Variants in MYH11 observed in about 807,000 individuals in gnomAD.
MYH11 encodes myosin heavy chain 11.
MYH11 carries 80 observed loss-of-function variants against 246.6 expected under a neutral mutation model. The ratio of observed to expected loss-of-function variants is 0.32; its 90% CI spans 0.27 to 0.39. MYH11 has a LOEUF of 0.39. Ranked by LOEUF, MYH11 falls within the 10% of genes least tolerant of loss-of-function variation. MYH11 has a pLI of 1.00. For synonymous variants in MYH11, 1,071 were observed against 1,015.5 expected, an observed-to-expected ratio of 1.05 and a Z score of -1.04; for missense variants, 2,158 against 2,546.8, an observed-to-expected ratio of 0.85 and a Z score of 3.29.
chr16:15,724,586 G>C, intron 30 of MYH11, 61 bp downstream of exon 30: 2 of 1,611,232 alleles, frequency 1.2e-6, no homozygotes, highest in South Asian at 2.2e-5. Context: ...TGCCTGCGGG[G>C]GATCTCAGCG....
intron 2 of MYH11, among the ~76,000 whole-genome samples, chr16:15,826,072 G>C (rs1193690511): frequency 6.6e-6 from 1 of 152,116 alleles, no homozygotes; most frequent in Non-Finnish European, 1.5e-5. Flanking sequence ...CCCGCCCCCA[G>C]GTATGAGCAT....
intron 8 of MYH11, among the ~76,000 whole-genome samples, chr16:15,773,373 C>T (rs2042150758): frequency 6.7e-6 from 1 of 149,522 alleles, no homozygotes; most frequent in Non-Finnish European, 1.5e-5. Flanking sequence ...TCACTGCAAC[C>T]TCTGCCTCCC....
chr16:15,833,389 A>AAGGGAGGGAGGGAGGAAGGAAGGAAGGG (rs1555458575), intron 2 of MYH11, among the ~76,000 whole-genome samples: 1 of 113,358 alleles, frequency 8.8e-6, no homozygotes, highest in Non-Finnish European at 2.0e-5. Flanking sequence ...GGGAGGGAGG[A>AAGGGAGGGAGGGAGGAAGGAAGGAAGGG]AGGAAGGAAG....
chr16:15,731,917 T>G (rs1420109632), intron 27 of MYH11, among the ~76,000 whole-genome samples: 2 of 151,742 alleles, frequency 1.3e-5, no homozygotes, highest in African/African-American at 4.8e-5. Flanking sequence ...GCCTCCCAAA[T>G]AGCTGGGACC....
intron 20 of MYH11, 80 bp from the exon 21 acceptor site, chr16:15,741,971 G>C: frequency 1.3e-6 from 2 of 1,576,190 alleles, no homozygotes; most frequent in Middle Eastern, 1.7e-4. Flanking sequence ...CAGTGGTTCC[G>C]AGCCAGGGAC....
rs1201529499 is a variant in MYH11, at chr16:15,718,394, G to T, written c.5216C>A (p.Ala1739Asp). The T allele has an allele frequency of 6.3e-7, 1 of 1,599,560 alleles. No individual in the cohort carries two copies. ...CTCCTCCAGCTCCTCCTCCAGCTGG[G>T]CGATCCGGGCCTCCAGGCGGCGCTT... is the stretch of plus-strand genomic sequence containing the variant. ...DEKRRLEARI[A>D]QLEEELEEEQ... The change falls in exon 37 of 41, where the codon GCC (alanine) becomes GAC (aspartate). Residue 1739 changes from alanine (A) to aspartate (D), a missense_variant. This residue lies in a region of MYH11 where 1,013 missense variants were observed against 993.5 expected (regional missense o/e 1.02). Coordinates refer to ENST00000300036, the MANE Select transcript of MYH11 (RefSeq NM_002474.3).
chr16:15,833,482 C>G (rs2043809023), intron 2 of MYH11, among the ~76,000 whole-genome samples: 1 of 152,022 alleles, frequency 6.6e-6, no homozygotes, highest in East Asian at 1.9e-4. Context: ...ACCAAGGGAC[C>G]CTTAGGACCA....
chr16:15,853,306 T>C lies in MYH11; in HGVS notation c.-18+3635A>G, dbSNP rs201098187. 6.6e-5 allele frequency among the ~76,000 whole-genome samples: 10 copies of C among 152,252 alleles called. No homozygotes were observed. In the East Asian group the frequency reaches 1.9e-3, roughly 29 times the overall value. On this transcript the variant is annotated intron_variant, in intron 1 of 40. Transcript: ENST00000300036. ...CTAGGACTACAGATGCATGCCACCA[T>C]GCCCAGCTCATTTTAAAAATTTTTT... is the stretch of plus-strand genomic sequence containing the variant.
In MYH11 at chr16:15,740,412, A is replaced by G. The variant is rs140780921; in HGVS notation, c.2860-224T>C. Reference sequence around the variant, plus strand: ...CACTTGAGGTCAGGAATTCAAGACCAGCCTGGCCAACATGGTGAAACCCCG... The same window carrying G: ...CACTTGAGGTCAGGAATTCAAGACCGGCCTGGCCAACATGGTGAAACCCCG... On this transcript the variant is annotated intron_variant, in intron 22 of 40. Transcript: ENST00000300036. 0.013 allele frequency among the ~76,000 whole-genome samples: 1,958 copies of G among 152,088 alleles called. 50 individuals carry two copies. Among genetic ancestry groups the G allele is most frequent in the African/African-American group, 0.045 (1,878 of 41,464 alleles).
chr16:15,746,281 A>G (rs1243948301), intron 19 of MYH11, among the ~76,000 whole-genome samples: 1 of 152,032 alleles, frequency 6.6e-6, no homozygotes, highest in African/African-American at 2.4e-5. Flanking sequence ...TGTGACCCTG[A>G]ACCAGCACTC....
intron 10 of MYH11, 39 bp downstream of exon 10, chr16:15,763,757 C>CCCCCCCCCCA: frequency 1.0e-6 from 1 of 975,540 alleles, no homozygotes. Context: ...ACCCCCCCAA[C>CCCCCCCCCCA]CCCAAAGTCA....
At chr16:15,839,824 G>A (rs2044006917) in intron 1 of MYH11, among the ~76,000 whole-genome samples, 1 of 152,074 alleles carries the variant, frequency 6.6e-6, no homozygotes, top group Non-Finnish European at 1.5e-5. Context: ...CCAAGGCAGG[G>A]GGGATCACTT....
At chr16:15,794,194 C>A (rs2042689187) in intron 4 of MYH11, among the ~76,000 whole-genome samples, 1 of 152,034 alleles carries the variant, frequency 6.6e-6, no homozygotes, top group African/African-American at 2.4e-5. Context: ...GATCCGCCCG[C>A]CTCGGCCTCC....
At chr16:15,807,542 G>C (rs1787014393) in intron 3 of MYH11, among the ~76,000 whole-genome samples, 1 of 152,074 alleles carries the variant, frequency 6.6e-6, no homozygotes, top group Admixed American at 6.5e-5. Context: ...GGTCGAGGCA[G>C]AGCATCCCAA....
Position 15,724,386 on chromosome 16 carries a change from C to G in MYH11, c.4140G>C (p.Leu1380=), listed in dbSNP as rs1288382755. The G allele has an allele frequency of 2.5e-6, 4 of 1,613,978 alleles. No homozygotes were observed. The African/African-American group carries it at 5.3e-5, about 22-fold the overall frequency. ...CTTCCACGGTGCTGGCAAAGTCCTGCAGCTTCTTCTTCGAGTCGGAGAGCT... is the reference window on the plus strand; with the variant it reads ...CTTCCACGGTGCTGGCAAAGTCCTGGAGCTTCTTCTTCGAGTCGGAGAGCT... ...NIQLSDSKKK[L]QDFASTVEAL... The change falls in exon 31 of 41, where the codon CTG becomes CTC. Residue 1380 remains leucine, a synonymous_variant. Coordinates refer to ENST00000300036, the MANE Select transcript of MYH11 (RefSeq NM_002474.3).
Position 15,729,831 on chromosome 16 carries a change from G to A in MYH11, c.3651+2733C>T, listed in dbSNP as rs150375487. ...CTCCCAAAGTGCTGGGATTACAGGC[G>A]TGAGCCACTGCACCCAGCCTAATTT... On this transcript the variant is annotated intron_variant, in intron 27 of 40. Transcript: ENST00000300036. 2.1e-3 allele frequency among the ~76,000 whole-genome samples: 321 copies of A among 152,138 alleles called. 1 individual carries two copies. The highest frequency in any genetic ancestry group is 7.3e-3 in the African/African-American group (303 of 41,508).
intron 4 of MYH11, among the ~76,000 whole-genome samples, chr16:15,787,331 C>A (rs1254307582): frequency 1.3e-5 from 2 of 151,936 alleles, no homozygotes; most frequent in African/African-American, 2.4e-5. Flanking sequence ...TGGCTTGAGC[C>A]CAGGAGTTTG....
At chr16:15,833,413 G>GGAAGGAAGGAAGGA (rs1420702082) in intron 2 of MYH11, among the ~76,000 whole-genome samples, 12 of 146,740 alleles carry the variant, frequency 8.2e-5, no homozygotes, top group African/African-American at 3.1e-4. Flanking sequence ...GGAAGGAAGG[G>GGAAGGAAGGAAGGA]AGGAACGAAC....
At chr16:15,851,504 G>T (rs927790557) in intron 1 of MYH11, among the ~76,000 whole-genome samples, 1 of 152,088 alleles carries the variant, frequency 6.6e-6, no homozygotes, top group Non-Finnish European at 1.5e-5. Flanking sequence ...GTACAATCCA[G>T]AATCTAATCC....
Sources: gnomAD v4.1 joint callset for allele counts (sites outside exome capture counted in the v4.1 genomes callset) on GRCh38, gnomAD v4.1.1 for gene constraint, gnomAD v4.1.1 regional missense constraint, MANE v1.5 for transcripts, NCBI Gene and HGNC (gene_info 2026-07-23, HGNC 2026-07-21) for gene names.